Variants in FAN1 observed in about 807,000 individuals in gnomAD.
FAN1 encodes the protein fanconi-associated nuclease 1.
A neutral mutation model predicts 104.9 loss-of-function variants in FAN1; 91 were observed. The ratio of observed to expected loss-of-function variants is 0.87; its 90% CI spans 0.73 to 1.03. The LOEUF is 1.03. FAN1 is among the 50% of genes least tolerant of loss of function. The probability of loss-of-function intolerance (pLI) is 0.00; values close to 1 mark genes in which losing one functional copy is unlikely to be tolerated. For missense variants in FAN1, 1,263 were observed against 1,239.9 expected (o/e 1.02, Z -0.28); for synonymous variants, 478 against 457.6 (o/e 1.04, Z -0.57).
rs1474935371 is a variant in FAN1, at chr15:30,925,847, T to C, written c.2396T>C (p.Met799Thr). The C allele has an allele frequency of 6.2e-7, 1 of 1,614,136 alleles. No individual in the cohort carries two copies. Among genetic ancestry groups the C allele is most frequent in the African/African-American group, 1.3e-5 (1 of 74,962 alleles). ...GGGATGTGCAAGTCTGTGTTTGTGA[T>C]GGAGGCCGGGGAGGCCGCTGACCCC... ...QRGMCKSVFV[M>T]EAGEAADPTT... Residue 799 changes from methionine (M) to threonine (T), a missense_variant, in exon 10 of 15, where the codon ATG becomes ACG. By Grantham distance (81) the Met-to-Thr change is moderately conservative. This residue lies in a region of FAN1 where 581 missense variants were observed against 668.8 expected (regional missense o/e 0.87). Coordinates refer to ENST00000362065, the MANE Select transcript of FAN1 (RefSeq NM_014967.5).
At chr15:30,911,156 T>G in intron 4 of FAN1, 2 of 1,047,854 alleles carry the variant, frequency 1.9e-6, no homozygotes, top group Non-Finnish European at 2.3e-6. Flanking sequence ...TTTTAGTTTT[T>G]GTTTACTAAA....
intron 3 of FAN1, 126 bp from the exon 4 acceptor site, chr15:30,910,488 A>C: frequency 1.8e-6 from 1 of 570,546 alleles, no homozygotes; most frequent in South Asian, 2.6e-5. Flanking sequence ...TTCCACATTT[A>C]ATGATTGGTT....
At chr15:30,939,708 A>G in intron 14 of FAN1, 1 of 972,714 alleles carries the variant, frequency 1.0e-6, no homozygotes, top group South Asian at 4.8e-5. Context: ...TCAATCCAAA[A>G]CATTTAGTAA....
chr15:30,911,302 A>C, intron 4 of FAN1: 1 of 985,962 alleles, frequency 1.0e-6, no homozygotes, highest in Non-Finnish European at 1.2e-6. Context: ...AAAAACTTTT[A>C]GAATTGATTT....
rs774178212 is a variant in FAN1, at chr15:30,918,266, G to T, written c.1914G>T (p.Trp638Cys). ...TCGCTCAGTGTGCAAAAAGGGATTG[G>T]AACAGACTGAAAAACCACCCTTCTC... ...KELAQCAKRD[W>C]NRLKNHPSLR... Residue 638 changes from tryptophan (W) to cysteine (C), a missense_variant, in exon 6 of 15, where the codon TGG (tryptophan) becomes TGT (cysteine). Physicochemically the swap from Trp to Cys is radical, Grantham distance 215 (BLOSUM62 -2). Coordinates refer to ENST00000362065, the MANE Select transcript of FAN1 (RefSeq NM_014967.5). The T allele has an allele frequency of 6.2e-7, 1 of 1,614,108 alleles. No individual in the cohort carries two copies. Among genetic ancestry groups the T allele is most frequent in the Admixed American group, 1.7e-5 (1 of 60,028 alleles).
In FAN1 at chr15:30,942,815, T is replaced by G; in HGVS notation, c.*1253T>G. On this transcript the variant is annotated 3_prime_UTR_variant, in exon 15 of 15. Coordinates refer to ENST00000362065, the MANE Select transcript of FAN1 (RefSeq NM_014967.5). ...TTACTCTTGGAAGTGCCTTTACTTT[T>G]AACGCTCTCTGTTCTGAAAAAGAGG... The G allele has an allele frequency of 7.1e-7, 1 of 1,409,430 alleles. No individual in the cohort carries two copies. The highest frequency in any genetic ancestry group is 2.5e-5 in the East Asian group (1 of 39,602). The allele number at this position is 1,409,430 out of a possible 1,614,324, so 87.3% of individuals were successfully genotyped here.
rs776742586 is a variant in FAN1, at chr15:30,928,648, G to A, written c.2584G>A (p.Ala862Thr). 12 of 1,613,694 alleles carry A rather than the reference G, an allele frequency of 7.4e-6. No individual in the cohort carries two copies. The highest frequency in any genetic ancestry group is 1.3e-5 in the African/African-American group (1 of 74,834). Residue 862 changes from alanine to threonine, a missense_variant, in exon 11 of 15, where the codon GCC becomes ACC. Coordinates refer to ENST00000362065, the MANE Select transcript of FAN1 (RefSeq NM_014967.5). ...MDGIPDVFRNACQAFPLDLCT... is the reference protein window; with the variant it reads ...MDGIPDVFRNTCQAFPLDLCT... ...TGGGATTCCGGATGTCTTCAGAAAC[G>A]CCTGTCAGGTACTCCAGTGCCCCTG...
Position 30,937,826 on chromosome 15 carries a change from T to C in FAN1, c.*3+567T>C, listed in dbSNP as rs188154266. 1.0e-3 allele frequency among the ~76,000 whole-genome samples: 155 copies of C among 152,048 alleles called. 1 individual carries two copies. The highest frequency in any genetic ancestry group is 3.4e-3 in the African/African-American group (140 of 41,496). On this transcript the variant is annotated intron_variant, in intron 14 of 14. Transcript: ENST00000362065. ...TTGGAGCTGGATGCATCTATATGAT[T>C]AGATGTGCAAAAAGCTGGAAAACTC... is the stretch of plus-strand genomic sequence containing the variant.
intron 14 of FAN1, chr15:30,941,279 A>G: frequency 6.7e-7 from 1 of 1,497,376 alleles, no homozygotes; most frequent in Non-Finnish European, 8.9e-7. Flanking sequence ...GAGGACAGGA[A>G]CAAAATTTAC....
chr15:30,912,306 C>G (rs2140911637), intron 4 of FAN1, among the ~76,000 whole-genome samples: 1 of 152,332 alleles, frequency 6.6e-6, no homozygotes, highest in East Asian at 1.9e-4. Flanking sequence ...AGGGCAGCGC[C>G]TGGTGCTTTT....
chr15:30,943,085 T>TAAATA lies in FAN1; in HGVS notation c.*1526_*1530dup, dbSNP rs1223583766. 1 of 1,529,764 alleles carries TAAATA rather than the reference T, an allele frequency of 6.5e-7. No individual in the cohort carries two copies. Among genetic ancestry groups the TAAATA allele is most frequent in the African/African-American group, 1.4e-5 (1 of 71,508 alleles). The allele number at this position is 1,529,764 out of a possible 1,614,324, so 94.8% of individuals were successfully genotyped here. ...TTATAGCAAATTCCTGCAAAATAAA[T>TAAATA]AAATAAATATTTGCAAAACTAAAGA... is the stretch of plus-strand genomic sequence containing the variant. On this transcript the variant is annotated 3_prime_UTR_variant, in exon 15 of 15. Coordinates refer to ENST00000362065, the MANE Select transcript of FAN1 (RefSeq NM_014967.5).
At chr15:30,927,712 G>A in intron 10 of FAN1, 1 of 985,638 alleles carries the variant, frequency 1.0e-6, no homozygotes, top group Non-Finnish European at 1.2e-6. Context: ...GTCTTGTGGG[G>A]AGAGGCATCC....
intron 4 of FAN1, among the ~76,000 whole-genome samples, chr15:30,912,100 T>C (rs1269463166): frequency 6.6e-6 from 1 of 151,954 alleles, no homozygotes; most frequent in African/African-American, 2.4e-5. Context: ...TCTTGGTATA[T>C]GCACTTAGCA....
Position 30,941,646 on chromosome 15 carries a change from C to T in FAN1, c.*84C>T, listed in dbSNP as rs369855394. 22 of 1,610,728 alleles carry T rather than the reference C, an allele frequency of 1.4e-5. No individual in the cohort carries two copies. The highest frequency in any genetic ancestry group is 1.8e-5 in the Non-Finnish European group (21 of 1,178,532). ...GTGTCGGTGTGGTGAGGGCCGCTGG[C>T]GTTGAAGTACATCCTGCTCTGGCCC... On this transcript the variant is annotated 3_prime_UTR_variant, in exon 15 of 15. Coordinates refer to ENST00000362065, the MANE Select transcript of FAN1 (RefSeq NM_014967.5).
rs552682364 is a variant in FAN1 at position 30,929,187 on chromosome 15, T to A, written c.2593-16T>A. 3.1e-6 allele frequency: 5 copies of A among 1,608,038 alleles called. No homozygotes were observed. The East Asian group carries it at 1.1e-4, about 36-fold the overall frequency. ...CTGCAGGCACAGTATGACAGCTTGC[T>A]TTCCCTGTGACACAGGCATTCCCCC... On this transcript the variant is annotated splice_polypyrimidine_tract_variant and intron_variant, in intron 11 of 14. Transcript: ENST00000362065.
chr15:30,941,718 G>A lies in FAN1; in HGVS notation c.*156G>A. ...AGGGGGCCACTGCGCTGTTGCCGCAGCATCCTGCTCAGTACGTCGACTTCA... is the reference window on the plus strand; with the variant it reads ...AGGGGGCCACTGCGCTGTTGCCGCAACATCCTGCTCAGTACGTCGACTTCA... On this transcript the variant is annotated 3_prime_UTR_variant, in exon 15 of 15. Transcript: ENST00000362065. 1 of 1,613,908 alleles carries A rather than the reference G, an allele frequency of 6.2e-7. No individual in the cohort carries two copies. The highest frequency in any genetic ancestry group is 8.5e-7 in the Non-Finnish European group (1 of 1,179,852).
chr15:30,928,364 A>G (rs2062518651), intron 10 of FAN1, 189 bp from the exon 11 acceptor site: 2 of 1,401,540 alleles, frequency 1.4e-6, no homozygotes, highest in East Asian at 2.7e-5. Context: ...CTCTGTATAT[A>G]AACAACATAC....
intron 7 of FAN1, 81 bp from the exon 8 acceptor site, chr15:30,922,154 C>A (rs1377360675): frequency 2.0e-6 from 3 of 1,498,966 alleles, no homozygotes; most frequent in Admixed American, 2.1e-5. Context: ...ATAGGCTTTA[C>A]CAATCCTATG....
chr15:30,941,660 C>T lies in FAN1; in HGVS notation c.*98C>T, dbSNP rs773490839. On this transcript the variant is annotated 3_prime_UTR_variant, in exon 15 of 15. Transcript: ENST00000362065. Reference sequence around the variant, plus strand: ...AGGGCCGCTGGCGTTGAAGTACATCCTGCTCTGGCCCAGCTCCCCATAGCA... The same window carrying T: ...AGGGCCGCTGGCGTTGAAGTACATCTTGCTCTGGCCCAGCTCCCCATAGCA... 1 of 1,612,762 alleles carries T rather than the reference C, an allele frequency of 6.2e-7. No individual in the cohort carries two copies. The highest frequency in any genetic ancestry group is 1.7e-5 in the Admixed American group (1 of 59,770).
Sources: gnomAD v4.1 joint callset for allele counts (sites outside exome capture counted in the v4.1 genomes callset) on GRCh38, gnomAD v4.1.1 for gene constraint, gnomAD v4.1.1 regional missense constraint, MANE v1.5 for transcripts, NCBI Gene and HGNC (gene_info 2026-07-23, HGNC 2026-07-21) for gene names.